The following SIPA1L1 variants were observed in gnomAD, a reference collection of about 807,000 sequenced individuals.
SIPA1L1 encodes signal-induced proliferation-associated 1-like protein 1.
A neutral mutation model predicts 162.7 loss-of-function variants in SIPA1L1; 26 were observed. The observed-to-expected ratio is 0.16, with a 90% CI of 0.12 to 0.22. The LOEUF is 0.22. Among genes scored for constraint, SIPA1L1 ranks in the 10% least tolerant of loss-of-function variants. SIPA1L1 has a pLI of 1.00. For missense variants in SIPA1L1, 1,874 were observed against 2,241.0 expected, an observed-to-expected ratio of 0.84 and a Z score of 3.31; for synonymous variants, 829 against 837.4, an observed-to-expected ratio of 0.99 and a Z score of 0.17.
chr14:71,461,884 A>G (rs757249422), intron 2 of SIPA1L1, among the ~76,000 whole-genome samples: 1 of 152,094 alleles, frequency 6.6e-6, no homozygotes, highest in Non-Finnish European at 1.5e-5. Context: ...TCCTCTGTCA[A>G]CTGATGATAG....
chr14:71,452,402 A>G (rs1182230129), intron 2 of SIPA1L1, among the ~76,000 whole-genome samples: 1 of 152,226 alleles, frequency 6.6e-6, no homozygotes, highest in African/African-American at 2.4e-5. Context: ...TAATGTGAAT[A>G]TACTACACTT....
intron 13 of SIPA1L1, among the ~76,000 whole-genome samples, chr14:71,698,394 C>T (rs1402128255): frequency 1.3e-5 from 2 of 152,192 alleles, no homozygotes; most frequent in African/African-American, 4.8e-5. Flanking sequence ...TATATACATT[C>T]AGTAATTCTA....
Position 71,544,145 on chromosome 14 carries a change from A to G in SIPA1L1, c.-303+14775A>G, listed in dbSNP as rs533898606. Among the ~76,000 whole-genome samples, 37 of 151,008 alleles carry G rather than the reference A, an allele frequency of 2.5e-4. 1 individual carries two copies. In the South Asian group the frequency reaches 7.0e-3, roughly 29 times the overall value. ...TATGCACGTGTATGTATATACATAT[A>G]TGCACGTGTGTGTATATGTACATAT... On this transcript the variant is annotated intron_variant, in intron 4 of 23. Transcript: ENST00000381232.
At chr14:71,529,231 C>A (rs1229698426) in intron 3 of SIPA1L1, 81 bp from the exon 4 acceptor site, 1 of 455,394 alleles carries the variant, frequency 2.2e-6, no homozygotes, top group Admixed American at 3.6e-5. Context: ...AAAGATAAGA[C>A]CTGTGTAAGT....
chr14:71,501,136 A>G (rs1472520358), intron 2 of SIPA1L1, among the ~76,000 whole-genome samples: 1 of 152,150 alleles, frequency 6.6e-6, no homozygotes, highest in African/African-American at 2.4e-5. Flanking sequence ...CCTGGGGAAC[A>G]TAGTTAGACG....
At chr14:71,327,706 A>G (rs774781636) in intron 2 of SIPA1L1, among the ~76,000 whole-genome samples, 1 of 152,198 alleles carries the variant, frequency 6.6e-6, no homozygotes, top group African/African-American at 2.4e-5. Flanking sequence ...AAGACTTTTC[A>G]GAAACACATG....
At chr14:71,651,832 G>T (rs1347723411) in intron 8 of SIPA1L1, among the ~76,000 whole-genome samples, 1 of 152,194 alleles carries the variant, frequency 6.6e-6, no homozygotes, top group African/African-American at 2.4e-5. Context: ...ATGTAGTAAG[G>T]CAGTGGAATA....
At chr14:71,569,438 T>C (rs1363154196) in intron 4 of SIPA1L1, among the ~76,000 whole-genome samples, 1 of 152,164 alleles carries the variant, frequency 6.6e-6, no homozygotes, top group African/African-American at 2.4e-5. Flanking sequence ...GCTCTGGAAA[T>C]AGGAATTATT....
chr14:71,691,346 C>T (rs1478032140), intron 13 of SIPA1L1, among the ~76,000 whole-genome samples: 1 of 152,192 alleles, frequency 6.6e-6, no homozygotes, highest in Non-Finnish European at 1.5e-5. Context: ...AATCCCACCA[C>T]TTTGGGAGGC....
intron 17 of SIPA1L1, among the ~76,000 whole-genome samples, chr14:71,721,574 C>T (rs530399297): frequency 6.6e-6 from 1 of 152,326 alleles, no homozygotes; most frequent in Admixed American, 6.5e-5. Context: ...CACTCAGGAG[C>T]AAAGTTCTGG....
At chr14:71,417,498 A>AAAAAAAAAAAC (rs1157625899) in intron 2 of SIPA1L1, among the ~76,000 whole-genome samples, 5 of 146,492 alleles carry the variant, frequency 3.4e-5, no homozygotes, top group Admixed American at 6.9e-5. Flanking sequence ...AAAAAAAAAA[A>AAAAAAAAAAAC]AAAAAGAAAA....
chr14:71,497,618 C>T (rs2143217070), intron 2 of SIPA1L1, among the ~76,000 whole-genome samples: 1 of 152,282 alleles, frequency 6.6e-6, no homozygotes, highest in South Asian at 2.1e-4. Flanking sequence ...AGTATATAAT[C>T]TTCCAAGACT....
At chr14:71,627,231 T>C (rs919690766) in intron 7 of SIPA1L1, among the ~76,000 whole-genome samples, 1 of 140,016 alleles carries the variant, frequency 7.1e-6, no homozygotes, top group Non-Finnish European at 1.5e-5. Flanking sequence ...CGATCTCGGC[T>C]CACTGCAGCC....
chr14:71,623,077 A>G (rs1221613302), intron 6 of SIPA1L1, among the ~76,000 whole-genome samples: 2 of 151,980 alleles, frequency 1.3e-5, no homozygotes, highest in Non-Finnish European at 2.9e-5. Flanking sequence ...GCCTTTCTTT[A>G]TGCCCTGAGC....
At chr14:71,712,656 T>C (rs1397576322) in intron 17 of SIPA1L1, among the ~76,000 whole-genome samples, 1 of 152,230 alleles carries the variant, frequency 6.6e-6, no homozygotes, top group East Asian at 1.9e-4. Flanking sequence ...TGCCAGTTTG[T>C]GTGGCAATCA....
chr14:71,586,006 A>C (rs145139357), intron 4 of SIPA1L1, among the ~76,000 whole-genome samples: 102 of 152,352 alleles, frequency 6.7e-4, no homozygotes, highest in African/African-American at 2.3e-3. Context: ...AAGTTCTGGA[A>C]TGTAAAGGGA....
chr14:71,565,821 T>C (rs574139650), intron 4 of SIPA1L1, among the ~76,000 whole-genome samples: 2 of 43,804 alleles, frequency 4.6e-5, no homozygotes, highest in Admixed American at 4.6e-4. Context: ...ATAGAAAATA[T>C]TTATAAAAAA....
At chr14:71,511,385 A>G (rs2051135278) in intron 2 of SIPA1L1, among the ~76,000 whole-genome samples, 1 of 151,982 alleles carries the variant, frequency 6.6e-6, no homozygotes, top group South Asian at 2.1e-4. Flanking sequence ...TCTGGACTCA[A>G]GCAATTCTCC....
chr14:71,708,035 T>G (rs911807139), intron 16 of SIPA1L1, among the ~76,000 whole-genome samples: 33 of 149,104 alleles, frequency 2.2e-4, no homozygotes, highest in South Asian at 1.7e-3. Context: ...TTTTGTTTTT[T>G]TTTTTTTTTT....
Sources: gnomAD v4.1 joint callset for allele counts (sites outside exome capture counted in the v4.1 genomes callset) on GRCh38, gnomAD v4.1.1 for gene constraint, MANE v1.5 for transcripts, NCBI Gene and HGNC (gene_info 2026-07-23, HGNC 2026-07-21) for gene names.